ZFHX3: variants seen among roughly 807,000 people sequenced by gnomAD.
ZFHX3 encodes the protein zinc finger homeobox protein 3.
A neutral mutation model predicts 279.1 loss-of-function variants in ZFHX3; 42 were observed. The ratio of observed to expected loss-of-function variants is 0.15; its 90% CI spans 0.12 to 0.19. The LOEUF (loss-of-function observed/expected upper bound fraction) is 0.19, where lower values mean the gene tolerates loss of function less well. Ranked by LOEUF, ZFHX3 falls within the 10% of genes least tolerant of loss-of-function variation. ZFHX3 has a pLI of 1.00. For synonymous variants in ZFHX3, 2,293 were observed against 1,957.8 expected (o/e 1.17, Z -4.52); for missense variants, 4,981 against 4,754.0 (o/e 1.05, Z -1.40).
intron 2 of ZFHX3, among the ~76,000 whole-genome samples, chr16:73,618,632 G>C (rs1293404814): frequency 1.3e-5 from 2 of 152,182 alleles, no homozygotes; most frequent in Non-Finnish European, 2.9e-5. Flanking sequence ...ACAGATGGCT[G>C]CAACTCCAGC....
intron 2 of ZFHX3, among the ~76,000 whole-genome samples, chr16:73,532,773 G>T (rs2019830032): frequency 6.6e-6 from 1 of 152,126 alleles, no homozygotes; most frequent in African/African-American, 2.4e-5. Flanking sequence ...ACATGTCAAG[G>T]GTGAGACCAG....
intron 3 of ZFHX3, among the ~76,000 whole-genome samples, chr16:73,425,029 C>A (rs1436709292): frequency 2.0e-5 from 3 of 152,192 alleles, no homozygotes; most frequent in Non-Finnish European, 2.9e-5. Context: ...TGTCCCCACC[C>A]TCTCTTCTTC....
intron 4 of ZFHX3, among the ~76,000 whole-genome samples, chr16:72,888,146 G>T (rs971672542): frequency 6.6e-6 from 1 of 152,202 alleles, no homozygotes; most frequent in Admixed American, 6.5e-5. Flanking sequence ...GGAAAAGGGG[G>T]TGGGAGAGGG....
chr16:73,441,856 A>G (rs372691712), intron 3 of ZFHX3, among the ~76,000 whole-genome samples: 1 of 152,320 alleles, frequency 6.6e-6, no homozygotes. Flanking sequence ...CTGCAAAACT[A>G]CTTTGTAAAC....
At chr16:73,538,697 G>A (rs945498729) in intron 2 of ZFHX3, among the ~76,000 whole-genome samples, 2 of 152,078 alleles carry the variant, frequency 1.3e-5, no homozygotes, top group Non-Finnish European at 2.9e-5. Flanking sequence ...TTAATACAGC[G>A]GAGACATGAG....
chr16:73,481,041 A>C (rs183832502), intron 2 of ZFHX3, among the ~76,000 whole-genome samples: 14 of 152,248 alleles, frequency 9.2e-5, no homozygotes, highest in Non-Finnish European at 1.8e-4. Flanking sequence ...ACAAAGTCCT[A>C]AATCCCGGGC....
intron 6 of ZFHX3, among the ~76,000 whole-genome samples, chr16:73,131,428 A>T (rs1319287355): frequency 6.6e-6 from 1 of 152,200 alleles, no homozygotes; most frequent in East Asian, 1.9e-4. Context: ...GCAAAATGTA[A>T]CTTGTCCAAG....
At chr16:73,862,418 T>G (rs959066860) in intron 1 of ZFHX3, among the ~76,000 whole-genome samples, 27 of 152,358 alleles carry the variant, frequency 1.8e-4, no homozygotes, top group African/African-American at 5.3e-4. Flanking sequence ...TATGTTAACT[T>G]CTTCTCTGTC....
intron 3 of ZFHX3, among the ~76,000 whole-genome samples, chr16:72,893,737 C>G (rs113708954): frequency 2.7e-4 from 41 of 152,324 alleles, no homozygotes; most frequent in African/African-American, 8.2e-4. Flanking sequence ...GCCACGGCTG[C>G]TCCCACCTAA....
chr16:73,264,526 C>T (rs1463052869), intron 4 of ZFHX3, among the ~76,000 whole-genome samples: 1 of 152,000 alleles, frequency 6.6e-6, no homozygotes. Flanking sequence ...TTCTGCTACT[C>T]TATTATTATG....
intron 5 of ZFHX3, among the ~76,000 whole-genome samples, chr16:73,159,083 T>C (rs986032737): frequency 1.3e-5 from 2 of 151,988 alleles, no homozygotes; most frequent in African/African-American, 4.8e-5. Flanking sequence ...ACAAATGAGA[T>C]CTAATTGAAC....
intron 2 of ZFHX3, among the ~76,000 whole-genome samples, chr16:73,488,488 A>C (rs890617719): frequency 2.0e-4 from 30 of 152,308 alleles, no homozygotes; most frequent in African/African-American, 6.7e-4. Flanking sequence ...CCACAGGGAT[A>C]TGAAAATAGG....
chr16:73,584,365 CAAAGA>C (rs2051896032), intron 2 of ZFHX3, among the ~76,000 whole-genome samples: 2 of 151,982 alleles, frequency 1.3e-5, no homozygotes, highest in African/African-American at 4.8e-5. Context: ...ACAGCAAAGA[CAAAGA>C]AAAGACCTTA....
In ZFHX3 at chr16:73,706,905, C is replaced by T. The variant is rs550037679; in HGVS notation, c.-1607-26665G>A. On this transcript the variant is annotated intron_variant, in intron 1 of 17. Transcript: ENST00000641206. ...CATGAGTTACTTGTCTTCTGCTATT[C>T]TTACTTTAACGATTTCTTTCTCCTT... is the stretch of plus-strand genomic sequence containing the variant. 7.9e-5 allele frequency among the ~76,000 whole-genome samples: 12 copies of T among 152,272 alleles called. No individual in the cohort carries two copies. In the South Asian group the frequency reaches 2.5e-3, roughly 32 times the overall value.
chr16:73,692,239 G>C (rs2053156282), intron 1 of ZFHX3, among the ~76,000 whole-genome samples: 1 of 152,114 alleles, frequency 6.6e-6, no homozygotes, highest in Non-Finnish European at 1.5e-5. Context: ...GCGTAGGAGG[G>C]CAAAAGTGTG....
chr16:73,593,794 A>G (rs572796778), intron 2 of ZFHX3, among the ~76,000 whole-genome samples: 15 of 152,346 alleles, frequency 9.8e-5, no homozygotes, highest in Non-Finnish European at 1.6e-4. Context: ...AAGAAAAATG[A>G]TAACAGTTTA....
At chr16:72,839,034 A>G (rs1287024228) in intron 4 of ZFHX3, among the ~76,000 whole-genome samples, 1 of 152,230 alleles carries the variant, frequency 6.6e-6, no homozygotes. Context: ...AACGGAATTC[A>G]GCAGGGATTA....
chr16:73,368,041 T>A (rs890125640), intron 3 of ZFHX3, among the ~76,000 whole-genome samples: 1 of 152,112 alleles, frequency 6.6e-6, no homozygotes, highest in Non-Finnish European at 1.5e-5. Context: ...TGGCTAATTT[T>A]TTTATTTTCA....
At chr16:73,523,339 G>A (rs2019638635) in intron 2 of ZFHX3, among the ~76,000 whole-genome samples, 1 of 152,148 alleles carries the variant, frequency 6.6e-6, no homozygotes, top group Non-Finnish European at 1.5e-5. Flanking sequence ...GTTACTACGT[G>A]GTTTCTGAAC....
Sources: allele counts gnomAD v4.1 joint callset (sites outside exome capture counted in the v4.1 genomes callset), GRCh38; gene constraint gnomAD v4.1.1; transcripts MANE v1.5; gene names NCBI Gene and HGNC (gene_info 2026-07-23, HGNC 2026-07-21).